Variants in IL21R observed in about 807,000 individuals in gnomAD.
IL21R encodes interleukin 21 receptor, also known as interleukin-21 receptor.
IL21R carries 14 observed loss-of-function variants against 41.3 expected under a neutral mutation model. The ratio of observed to expected loss-of-function variants is 0.34; its 90% CI spans 0.22 to 0.53. The LOEUF (loss-of-function observed/expected upper bound fraction) is 0.53. IL21R is among the 20% of genes least tolerant of loss of function. The pLI, the probability that IL21R is intolerant of heterozygous loss-of-function variation, is 0.94. For missense variants in IL21R, 588 were observed against 681.6 expected (o/e 0.86, Z 1.53); for synonymous variants, 286 against 287.6 (o/e 0.99, Z 0.05).
chr16:27,433,481 C>T (rs138427334), intron 2 of IL21R, among the ~76,000 whole-genome samples: 186 of 152,176 alleles, frequency 1.2e-3, no homozygotes, highest in African/African-American at 3.8e-3. Context: ...AAGAGGTGAG[C>T]GGTACAAGTT....
intron 8 of IL21R, 55 bp downstream of exon 8, chr16:27,446,143 C>A: frequency 3.5e-6 from 5 of 1,430,648 alleles, no homozygotes; most frequent in Non-Finnish European, 4.9e-6. Flanking sequence ...TCTTCAGGAG[C>A]CCCACCTCCC....
At chr16:27,430,444 ACT>A in intron 2 of IL21R, among the ~76,000 whole-genome samples, 1 of 152,080 alleles carries the variant, frequency 6.6e-6, no homozygotes, top group East Asian at 1.9e-4. Flanking sequence ...CTGGCTCCCA[ACT>A]CTCTGAGTGA....
chr16:27,435,132 T>C lies in IL21R; in HGVS notation c.152+683T>C, dbSNP rs576945876. 2.6e-5 allele frequency among the ~76,000 whole-genome samples: 4 copies of C among 152,062 alleles called. No homozygotes were observed. The South Asian group carries it at 6.2e-4, about 24-fold the overall frequency. On this transcript the variant is annotated intron_variant, in intron 3 of 8. Coordinates refer to ENST00000337929, the MANE Select transcript of IL21R (RefSeq NM_181078.3). ...AAATCAGTCGGGCGTGGTGGCACAATCCTGTAATCCCAGCTACTTGAGAGT... is the reference window on the plus strand; with the variant it reads ...AAATCAGTCGGGCGTGGTGGCACAACCCTGTAATCCCAGCTACTTGAGAGT...
At chr16:27,425,127 G>A (rs2087054919) in intron 1 of IL21R, among the ~76,000 whole-genome samples, 1 of 152,194 alleles carries the variant, frequency 6.6e-6, no homozygotes, top group Non-Finnish European at 1.5e-5. Context: ...AGATTTGGGT[G>A]GGACAAATAT....
At chr16:27,412,083 G>T (rs1018756878) in intron 1 of IL21R, among the ~76,000 whole-genome samples, 9 of 152,206 alleles carry the variant, frequency 5.9e-5, no homozygotes, top group African/African-American at 2.2e-4. Flanking sequence ...TTATGTTTGG[G>T]TCTTTAACCC....
chr16:27,421,307 A>C (rs2141273519), intron 1 of IL21R, among the ~76,000 whole-genome samples: 1 of 142,064 alleles, frequency 7.0e-6, no homozygotes, highest in East Asian at 2.2e-4. Context: ...TTTCCCTATA[A>C]ATTTTAGGAC....
At chr16:27,434,511 C>A in intron 3 of IL21R, 62 bp downstream of exon 3, 2 of 1,034,248 alleles carry the variant, frequency 1.9e-6, no homozygotes, top group Non-Finnish European at 3.0e-6. Context: ...TCAGTGATTC[C>A]CCCAGGAGGA....
chr16:27,448,283 C>T (rs761019055), intron 8 of IL21R: 25 of 465,552 alleles, frequency 5.4e-5, no homozygotes, highest in Non-Finnish European at 6.4e-5. Flanking sequence ...GGTGAAACCA[C>T]GTCTCTACTA....
chr16:27,430,164 C>T (rs763884889), intron 2 of IL21R, 44 bp downstream of exon 2: 1 of 1,561,802 alleles, frequency 6.4e-7, no homozygotes, highest in Non-Finnish European at 8.7e-7. Context: ...GGGCCCCCAT[C>T]ACAGAGCTGA....
intron 1 of IL21R, among the ~76,000 whole-genome samples, chr16:27,408,958 C>T (rs1225777596): frequency 2.6e-5 from 4 of 152,042 alleles, no homozygotes; most frequent in Non-Finnish European, 4.4e-5. Context: ...TATGAACATG[C>T]TGGTACATGT....
chr16:27,435,343 C>G (rs902268319), intron 3 of IL21R, among the ~76,000 whole-genome samples: 1 of 152,192 alleles, frequency 6.6e-6, no homozygotes. Flanking sequence ...CAAGACTGAC[C>G]AGGCCCCAGA....
In IL21R at chr16:27,449,370, T is replaced by C; in HGVS notation, c.*87T>C. 3.6e-6 allele frequency: 5 copies of C among 1,377,352 alleles called. No homozygotes were observed. The highest frequency in any genetic ancestry group is 4.9e-6 in the Non-Finnish European group (5 of 1,026,886). 85.3% of individuals were successfully genotyped at this position (1,377,352 alleles called of 1,614,324 possible). ...ACCTGGGCTGTGATGTGAAGACACC[T>C]GCAGCCTTTGGTCTCCTGGATGGGC... On this transcript the variant is annotated 3_prime_UTR_variant, in exon 9 of 9. Transcript: ENST00000337929.
At position 27,410,143 on chromosome 16, in the gene IL21R, C is replaced by T. The variant is rs568848814; in HGVS notation, c.-17+7525C>T. ...TTGAGGTCAGGAGTTCGAGACCAGC[C>T]TGGCCAATGTGGTGAAACCCTGTCT... On this transcript the variant is annotated intron_variant, in intron 1 of 8. Coordinates refer to ENST00000337929, the MANE Select transcript of IL21R (RefSeq NM_181078.3). 1.2e-4 allele frequency among the ~76,000 whole-genome samples: 18 copies of T among 152,178 alleles called. No individual in the cohort carries two copies. The South Asian group carries it at 3.7e-3, about 32-fold the overall frequency.
In IL21R at chr16:27,449,360, T is replaced by A; in HGVS notation, c.*77T>A. On this transcript the variant is annotated 3_prime_UTR_variant, in exon 9 of 9. Transcript: ENST00000337929. ...AGACAAGGTCACCTGGGCTGTGATG[T>A]GAAGACACCTGCAGCCTTTGGTCTC... is the stretch of plus-strand genomic sequence containing the variant. 7.0e-7 allele frequency: 1 copy of A among 1,425,700 alleles called. No homozygotes were observed. 88.3% of individuals were successfully genotyped at this position (1,425,700 alleles called of 1,614,324 possible).
chr16:27,406,255 T>C (rs1158749440), intron 1 of IL21R, among the ~76,000 whole-genome samples: 2 of 152,200 alleles, frequency 1.3e-5, no homozygotes, highest in African/African-American at 4.8e-5. Flanking sequence ...CTTTCACTGC[T>C]CTACAAGCGG....
intron 1 of IL21R, among the ~76,000 whole-genome samples, chr16:27,412,508 C>G (rs1476154826): frequency 6.6e-6 from 1 of 150,432 alleles, no homozygotes; most frequent in African/African-American, 2.4e-5. Flanking sequence ...AGGATGAATT[C>G]TTTTTTTATT....
intron 3 of IL21R, among the ~76,000 whole-genome samples, chr16:27,435,463 TA>T (rs1442826524): frequency 6.6e-6 from 1 of 151,582 alleles, no homozygotes; most frequent in African/African-American, 2.4e-5. Context: ...TATTTTATTT[TA>T]TTTTTTTGAG....
intron 4 of IL21R, among the ~76,000 whole-genome samples, chr16:27,439,547 CAT>C (rs1338192715): frequency 4.0e-5 from 6 of 151,708 alleles, no homozygotes; most frequent in African/African-American, 9.7e-5. Flanking sequence ...TACACATACT[CAT>C]ACACTCTCAC....
intron 1 of IL21R, among the ~76,000 whole-genome samples, chr16:27,405,916 C>T (rs951782391): frequency 6.6e-6 from 1 of 152,262 alleles, no homozygotes; most frequent in African/African-American, 2.4e-5. Context: ...CTCTGCAGCC[C>T]ACAGGAAGGA....
Sources: gnomAD v4.1 joint callset for allele counts (sites outside exome capture counted in the v4.1 genomes callset) on GRCh38, gnomAD v4.1.1 for gene constraint, MANE v1.5 for transcripts, NCBI Gene and HGNC (gene_info 2026-07-23, HGNC 2026-07-21) for gene names.